The following PLEKHG1 variants were observed in gnomAD, a reference collection of about 807,000 sequenced individuals.
PLEKHG1 encodes pleckstrin homology domain-containing family G member 1.
PLEKHG1 carries 44 observed loss-of-function variants against 100.8 expected under a neutral mutation model. The observed-to-expected ratio is 0.44, with a 90% CI of 0.34 to 0.56. The LOEUF (loss-of-function observed/expected upper bound fraction) is 0.56, where lower values mean the gene tolerates loss of function less well. Among genes scored for constraint, PLEKHG1 ranks in the 20% least tolerant of loss-of-function variants. PLEKHG1 has a pLI of 0.01. For synonymous variants in PLEKHG1, 640 were observed against 662.5 expected (o/e 0.97, Z 0.52); for missense variants, 1,545 against 1,720.9 (o/e 0.90, Z 1.81).
chr6:150,642,510 T>G lies in PLEKHG1; in HGVS notation c.-158+4385T>G, dbSNP rs150261245. 6.2e-4 allele frequency among the ~76,000 whole-genome samples: 94 copies of G among 152,356 alleles called. No individual in the cohort carries two copies. The East Asian group carries it at 0.017, about 27-fold the overall frequency. ...CCATAATTTTCCTCCACTGGAATGC[T>G]GCCAAGACCAAGATTTTAATATTAA... On this transcript the variant is annotated intron_variant, in intron 2 of 3. Transcript: ENST00000367326.
intron 1 of PLEKHG1, among the ~76,000 whole-genome samples, chr6:150,617,889 A>T (rs952819299): frequency 1.3e-5 from 2 of 152,190 alleles, no homozygotes; most frequent in Non-Finnish European, 2.9e-5. Context: ...GCAAGAATAC[A>T]TTGAAACACA....
At chr6:150,773,637 C>G (rs568701187) in intron 3 of PLEKHG1, among the ~76,000 whole-genome samples, 2 of 152,340 alleles carry the variant, frequency 1.3e-5, no homozygotes, top group African/African-American at 4.8e-5. Flanking sequence ...CTCTGATGAT[C>G]AAGCCCACAT....
chr6:150,753,629 C>CTAAATG, intron 2 of PLEKHG1, among the ~76,000 whole-genome samples: 1 of 152,072 alleles, frequency 6.6e-6, no homozygotes, highest in East Asian at 1.9e-4. Flanking sequence ...AAATGCTGTT[C>CTAAATG]CAAATGCAAA....
At chr6:150,777,225 G>T (rs1053940257) in intron 3 of PLEKHG1, among the ~76,000 whole-genome samples, 4 of 150,532 alleles carry the variant, frequency 2.7e-5, no homozygotes, top group Non-Finnish European at 4.4e-5. Flanking sequence ...TGGTGCACAT[G>T]TGTGGTTGCA....
chr6:150,641,704 TG>T (rs1778266567), intron 2 of PLEKHG1, among the ~76,000 whole-genome samples: 1 of 152,128 alleles, frequency 6.6e-6, no homozygotes, highest in South Asian at 2.1e-4. Flanking sequence ...AACGTTTTAT[TG>T]GAAGCCAGCC....
chr6:150,798,096 A>T (rs753792768), intron 5 of PLEKHG1, among the ~76,000 whole-genome samples: 7 of 152,108 alleles, frequency 4.6e-5, no homozygotes, highest in African/African-American at 1.7e-4. Context: ...ATTTGTTTCC[A>T]TCTTAATGCT....
chr6:150,816,627 A>G (rs980214285), intron 10 of PLEKHG1, among the ~76,000 whole-genome samples: 24 of 152,096 alleles, frequency 1.6e-4, no homozygotes, highest in Non-Finnish European at 2.6e-4. Flanking sequence ...CCCGGCCTCA[A>G]ACATACTTTT....
At chr6:150,752,301 A>C (rs1783566558) in intron 2 of PLEKHG1, among the ~76,000 whole-genome samples, 1 of 152,214 alleles carries the variant, frequency 6.6e-6, no homozygotes, top group Admixed American at 6.5e-5. Flanking sequence ...ACATAACTTA[A>C]AACTTATTTT....
chr6:150,753,804 C>T (rs1316712263), intron 2 of PLEKHG1, among the ~76,000 whole-genome samples: 4 of 152,106 alleles, frequency 2.6e-5, no homozygotes, highest in Admixed American at 2.6e-4. Flanking sequence ...GCTGCCCCTG[C>T]GACAAAGGCT....
chr6:150,655,497 A>G lies in PLEKHG1; in HGVS notation c.-99+4711A>G, dbSNP rs141281202. ...GCCGAGGCGGGTAGATCACAAGGTC[A>G]GGAGATCAAGACCATCCTGGCTAAC... On this transcript the variant is annotated intron_variant, in intron 3 of 3. Coordinates refer to the PLEKHG1 transcript ENST00000367326. Among the ~76,000 whole-genome samples the G allele has an allele frequency of 3.7e-3, 570 of 152,212 alleles. 1 individual carries two copies. The highest frequency in any genetic ancestry group is 0.013 in the African/African-American group (538 of 41,524).
chr6:150,779,388 T>G (rs2128646720), intron 3 of PLEKHG1, among the ~76,000 whole-genome samples: 1 of 142,514 alleles, frequency 7.0e-6, no homozygotes. Context: ...TTCTGTCGCC[T>G]AGGCTGGAGT....
chr6:150,646,891 A>G lies in PLEKHG1; in HGVS notation c.-157-3837A>G, dbSNP rs564584650. The stretch of plus-strand genomic sequence containing the variant: ...TTTTCTGGAAATTCATGGGAGGAAC[A>G]TTGGTAGATTTACCCTTTTGGCATT... On this transcript the variant is annotated intron_variant, in intron 2 of 3. Coordinates refer to the PLEKHG1 transcript ENST00000367326. Among the ~76,000 whole-genome samples the G allele has an allele frequency of 3.2e-4, 49 of 152,330 alleles. 1 individual carries two copies. The highest frequency in any genetic ancestry group is 9.9e-4 in the African/African-American group (41 of 41,572).
intron 6 of PLEKHG1, among the ~76,000 whole-genome samples, chr6:150,802,672 T>TTTTC (rs1786781980): frequency 6.6e-6 from 1 of 151,670 alleles, no homozygotes; most frequent in Non-Finnish European, 1.5e-5. Flanking sequence ...TCATTTTTTT[T>TTTTC]TTTTTTTGAG....
At chr6:150,774,037 T>C (rs1049468287) in intron 3 of PLEKHG1, among the ~76,000 whole-genome samples, 7 of 152,244 alleles carry the variant, frequency 4.6e-5, no homozygotes, top group African/African-American at 1.7e-4. Context: ...GCTTTTGATT[T>C]TTATATGTCA....
exon 9 of PLEKHG1, chr6:150,809,401 G>T: frequency 6.2e-7 from 1 of 1,613,786 alleles, no homozygotes; most frequent in Non-Finnish European, 8.5e-7. Flanking sequence ...TCATGCTTGT[G>T]GAGGTGATTC....
Position 150,820,287 on chromosome 6 carries a change from A to G in PLEKHG1, c.1408+513A>G, listed in dbSNP as rs182911946. 1.2e-3 allele frequency among the ~76,000 whole-genome samples: 183 copies of G among 152,238 alleles called. 2 individuals carry two copies. The highest frequency in any genetic ancestry group is 3.9e-3 in the African/African-American group (161 of 41,550). ...CCAGTCAACTAATTTTGCTTTGTAC[A>G]TCTTACCATTGACATGCAGATACTT... On this transcript the variant is annotated intron_variant, in intron 12 of 15. Coordinates refer to ENST00000358517, the Ensembl canonical transcript of PLEKHG1.
intron 15 of PLEKHG1, among the ~76,000 whole-genome samples, chr6:150,835,991 G>A (rs76543796): frequency 0.12 from 17,984 of 152,228 alleles, 1,231 homozygotes; most frequent in Admixed American, 0.16. Flanking sequence ...TCTTGCTTCT[G>A]CTTTTTCTGC....
intron 3 of PLEKHG1, among the ~76,000 whole-genome samples, chr6:150,660,074 T>C (rs1260559227): frequency 6.6e-6 from 1 of 150,652 alleles, no homozygotes; most frequent in Non-Finnish European, 1.5e-5. Context: ...GTTCATAATT[T>C]TTTTTTTTTT....
At chr6:150,806,252 C>T (rs1236120454) in intron 7 of PLEKHG1, among the ~76,000 whole-genome samples, 1 of 89,248 alleles carries the variant, frequency 1.1e-5, no homozygotes, top group African/African-American at 4.1e-5. Context: ...TTTTTTGCAA[C>T]AGCAACAAAA....
Sources: gnomAD v4.1 joint callset for allele counts (sites outside exome capture counted in the v4.1 genomes callset) on GRCh38, gnomAD v4.1.1 for gene constraint, MANE v1.5 for transcripts, NCBI Gene and HGNC (gene_info 2026-07-23, HGNC 2026-07-21) for gene names.